The following CBL variants were observed in gnomAD, a reference collection of about 807,000 sequenced individuals.
CBL encodes Cbl proto-oncogene, also known as E3 ubiquitin-protein ligase CBL.
CBL carries 45 observed loss-of-function variants against 96.9 expected under a neutral mutation model. The ratio of observed to expected loss-of-function variants is 0.46; its 90% CI spans 0.37 to 0.60. The LOEUF is 0.60. Among genes scored for constraint, CBL ranks in the 20% least tolerant of loss-of-function variants. CBL has a pLI of 0.00. For missense variants in CBL, 1,024 were observed against 1,143.5 expected (o/e 0.90, Z 1.51); for synonymous variants, 420 against 426.8 (o/e 0.98, Z 0.20).
chr11:119,270,688 C>T (rs1016619501), intron 2 of CBL, among the ~76,000 whole-genome samples: 18 of 151,234 alleles, frequency 1.2e-4, no homozygotes, highest in Non-Finnish European at 1.0e-4. Context: ...CCTCGTGATC[C>T]GCCCGCCTCG....
intron 9 of CBL, among the ~76,000 whole-genome samples, 158 bp from the exon 10 acceptor site, chr11:119,284,811 G>T (rs182363596): frequency 2.0e-5 from 3 of 152,240 alleles, no homozygotes; most frequent in Admixed American, 2.0e-4. Flanking sequence ...TAGAGTCTCT[G>T]GAAGTTTTTT....
chr11:119,239,484 G>A (rs1949569238), intron 2 of CBL, among the ~76,000 whole-genome samples: 2 of 152,144 alleles, frequency 1.3e-5, no homozygotes, highest in Non-Finnish European at 2.9e-5. Flanking sequence ...ATTGGCTCTA[G>A]TAGCTTTTTA....
chr11:119,237,581 C>T (rs1043016410), intron 2 of CBL, among the ~76,000 whole-genome samples: 3 of 152,142 alleles, frequency 2.0e-5, no homozygotes, highest in Admixed American at 6.6e-5. Flanking sequence ...AGAGGTCCAA[C>T]TTGATTCTCT....
Position 119,297,399 on chromosome 11 carries a change from C to T in CBL, c.2169C>T (p.Asp723=), listed in dbSNP as rs1447136408. The T allele has an allele frequency of 1.9e-6, 3 of 1,613,490 alleles. No homozygotes were observed. The highest frequency in any genetic ancestry group is 3.3e-5 in the Admixed American group (2 of 60,008). Residue 723 remains aspartate, a synonymous_variant, in exon 14 of 16, where the codon GAC becomes GAT. Coordinates refer to ENST00000264033, the MANE Select transcript of CBL (RefSeq NM_005188.4). The part of the protein sequence containing the change: ...TSQSSRACDC[D]QQIDSCTYEA... ...TCTGGTTCAGAGCATGTGATTGCGA[C>T]CAGCAGATTGATAGCTGTACGTATG... is the stretch of plus-strand genomic sequence containing the variant.
In CBL at chr11:119,266,028, A is replaced by AAAAAAAAAAG. The variant is rs1333500927; in HGVS notation, c.444-5700_444-5699insAAGAAAAAAA. Among the ~76,000 whole-genome samples, 243 of 150,782 alleles carry AAAAAAAAAAG rather than the reference A, an allele frequency of 1.6e-3. 17 individuals are homozygous for AAAAAAAAAAG. The South Asian group carries it at 0.05, about 31-fold the overall frequency. On this transcript the variant is annotated intron_variant, in intron 2 of 15. Coordinates refer to ENST00000264033, the MANE Select transcript of CBL (RefSeq NM_005188.4). The stretch of plus-strand genomic sequence containing the variant: ...AGCGAGACTCCATCTCAAAAAAAAA[A>AAAAAAAAAAG]AAAAAAAGAAAGAAAGAAAGAAAAA...
chr11:119,290,607 G>A (rs1408744272), intron 12 of CBL, among the ~76,000 whole-genome samples: 9 of 114,798 alleles, frequency 7.8e-5, no homozygotes, highest in East Asian at 8.5e-4. Flanking sequence ...GCGACAGAGC[G>A]AGACTCTGTC....
Position 119,285,164 on chromosome 11 carries a change from AT to A in CBL, c.1564-22del, listed in dbSNP as rs1565874176. Reference sequence around the variant, plus strand: ...GCTGTGTACTAGTGGGTTTTTACTGATTTGCTTTCACCCTGCTTCCACAGGC... The same window carrying A: ...GCTGTGTACTAGTGGGTTTTTACTGATTGCTTTCACCCTGCTTCCACAGGC... On this transcript the variant is annotated intron_variant, in intron 10 of 15. Coordinates refer to ENST00000264033, the MANE Select transcript of CBL (RefSeq NM_005188.4). 3 of 1,613,784 alleles carry A rather than the reference AT, an allele frequency of 1.9e-6. No homozygotes were observed. The South Asian group carries it at 3.3e-5, about 18-fold the overall frequency.
chr11:119,298,085 T>A (rs1418561544), intron 14 of CBL, among the ~76,000 whole-genome samples: 1 of 152,350 alleles, frequency 6.6e-6, no homozygotes, highest in Admixed American at 6.5e-5. Flanking sequence ...TTGAATGATC[T>A]GAGATGACAC....
intron 2 of CBL, among the ~76,000 whole-genome samples, chr11:119,241,004 T>G (rs530102825): frequency 5.9e-4 from 90 of 151,850 alleles, no homozygotes; most frequent in Non-Finnish European, 1.1e-3. Flanking sequence ...ACCTGGGAGG[T>G]GGAGGTTGCA....
chr11:119,223,184 CTT>C (rs1167302746), intron 1 of CBL, among the ~76,000 whole-genome samples: 14,632 of 66,776 alleles, frequency 0.22, 1,792 homozygotes, highest in East Asian at 0.33. Flanking sequence ...CACACCCTTC[CTT>C]TTTTTTTTTT....
At chr11:119,219,064 A>T (rs751647366) in intron 1 of CBL, among the ~76,000 whole-genome samples, 80 of 152,184 alleles carry the variant, frequency 5.3e-4, no homozygotes, top group Middle Eastern at 3.4e-3. Context: ...TTAAAAAAAA[A>T]TTTTGAAGAA....
chr11:119,266,175 TAGA>T (rs200811787), intron 2 of CBL, among the ~76,000 whole-genome samples: 18 of 152,130 alleles, frequency 1.2e-4, no homozygotes, highest in South Asian at 2.1e-4. Context: ...GCGTCTTTAA[TAGA>T]AGGAGTTAAT....
chr11:119,211,517 T>G (rs753446507), intron 1 of CBL, among the ~76,000 whole-genome samples: 17 of 152,118 alleles, frequency 1.1e-4, no homozygotes, highest in Non-Finnish European at 1.6e-4. Flanking sequence ...TTTTATTTTT[T>G]ATTTTTTGAG....
At chr11:119,238,467 CCCA>C (rs1949561687) in intron 2 of CBL, among the ~76,000 whole-genome samples, 1 of 151,246 alleles carries the variant, frequency 6.6e-6, no homozygotes. Context: ...GCCTCGGCCT[CCCA>C]AAGTGCCGGG....
At chr11:119,220,345 A>G (rs1014094360) in intron 1 of CBL, among the ~76,000 whole-genome samples, 3 of 152,214 alleles carry the variant, frequency 2.0e-5, no homozygotes, top group African/African-American at 7.2e-5. Flanking sequence ...GCAGTGGCTC[A>G]TTCCTGTAAT....
In CBL at chr11:119,297,492, ATTCTGCTAC is replaced by A. The variant is rs568433114; in HGVS notation, c.2251+14_2251+22del. The A allele has an allele frequency of 1.0e-4, 163 of 1,570,680 alleles. No homozygotes were observed. The South Asian group carries it at 1.7e-3, about 17-fold the overall frequency. On this transcript the variant is annotated intron_variant, in intron 14 of 15. Coordinates refer to ENST00000264033, the MANE Select transcript of CBL (RefSeq NM_005188.4). The stretch of plus-strand genomic sequence containing the variant: ...AGAGCAGCACCTTTGGTAAGTTGCC[ATTCTGCTAC>A]TTTAAAAATCATTGATATGTCATAG...
At chr11:119,256,344 T>C (rs560650243) in intron 2 of CBL, among the ~76,000 whole-genome samples, 2 of 152,146 alleles carry the variant, frequency 1.3e-5, no homozygotes, top group South Asian at 4.2e-4. Flanking sequence ...TACGCCCAGC[T>C]AATTTTTGTT....
At chr11:119,280,047 A>G (rs185609708) in intron 9 of CBL, among the ~76,000 whole-genome samples, 3 of 152,356 alleles carry the variant, frequency 2.0e-5, no homozygotes, top group Admixed American at 1.3e-4. Flanking sequence ...AAGTAAAGGA[A>G]CACACTTTCC....
At chr11:119,253,199 C>T (rs1454209018) in intron 2 of CBL, among the ~76,000 whole-genome samples, 1 of 151,900 alleles carries the variant, frequency 6.6e-6, no homozygotes, top group African/African-American at 2.4e-5. Flanking sequence ...TCACATTGTA[C>T]CCCATGAATA....
Sources: gnomAD v4.1 joint callset for allele counts (sites outside exome capture counted in the v4.1 genomes callset) on GRCh38, gnomAD v4.1.1 for gene constraint, MANE v1.5 for transcripts, NCBI Gene and HGNC (gene_info 2026-07-23, HGNC 2026-07-21) for gene names.